The following KCNK3 variants were observed in gnomAD, a reference collection of about 807,000 sequenced individuals.
The protein encoded by KCNK3 is potassium channel subfamily K member 3.
A neutral mutation model predicts 27.3 loss-of-function variants in KCNK3; 9 were observed. The observed-to-expected ratio is 0.33, with a 90% CI of 0.20 to 0.57. The LOEUF is 0.57. Ranked by LOEUF, KCNK3 falls within the 20% of genes least tolerant of loss-of-function variation. The pLI is 0.87. For missense variants in KCNK3, 391 were observed against 577.7 expected, an observed-to-expected ratio of 0.68 and a Z score of 3.31; for synonymous variants, 278 against 273.8, an observed-to-expected ratio of 1.02 and a Z score of -0.15.
intron 1 of KCNK3, among the ~76,000 whole-genome samples, chr2:26,700,011 T>A (rs1670287544): frequency 1.3e-5 from 2 of 152,206 alleles, no homozygotes; most frequent in Admixed American, 1.3e-4. Context: ...GGCAGATGGG[T>A]ACCAGGGTCT....
In KCNK3 at chr2:26,728,320, C is replaced by G; in HGVS notation, c.937C>G (p.Leu313Val). 1 of 1,603,468 alleles carries G rather than the reference C, an allele frequency of 6.2e-7. No individual in the cohort carries two copies. The highest frequency in any genetic ancestry group is 8.5e-7 in the Non-Finnish European group (1 of 1,175,258). The change falls in exon 2 of 2, where the codon CTG becomes GTG. Residue 313 changes from leucine to valine, a missense_variant. Coordinates refer to ENST00000302909, the MANE Select transcript of KCNK3 (RefSeq NM_002246.3). ...VLHFQSMCSCLWYKSREKLQY... is the reference protein window; with the variant it reads ...VLHFQSMCSCVWYKSREKLQY... Reference sequence around the variant, plus strand: ...GCACTTCCAGTCCATGTGCTCGTGCCTGTGGTACAAGAGCCGCGAGAAGCT... The same window carrying G: ...GCACTTCCAGTCCATGTGCTCGTGCGTGTGGTACAAGAGCCGCGAGAAGCT...
rs967711628 is a variant in KCNK3, at chr2:26,706,808, G to T, written c.283+13650G>T. 2.0e-5 allele frequency among the ~76,000 whole-genome samples: 3 copies of T among 152,214 alleles called. No homozygotes were observed. In the East Asian group the frequency reaches 5.8e-4, roughly 29 times the overall value. ...TCTCGTCCTTTCTTGCAGCTGTGACGGGCCAAGGAAAGAGGGGATCCAGCC... is the reference window on the plus strand; with the variant it reads ...TCTCGTCCTTTCTTGCAGCTGTGACTGGCCAAGGAAAGAGGGGATCCAGCC... On this transcript the variant is annotated intron_variant, in intron 1 of 1. Transcript: ENST00000302909.
chr2:26,699,682 G>A (rs986920461), intron 1 of KCNK3, among the ~76,000 whole-genome samples: 6 of 152,164 alleles, frequency 3.9e-5, no homozygotes, highest in African/African-American at 1.4e-4. Context: ...GACCCAGGAC[G>A]GACACTCCCT....
At chr2:26,720,596 A>G (rs538691544) in intron 1 of KCNK3, among the ~76,000 whole-genome samples, 1 of 152,296 alleles carries the variant, frequency 6.6e-6, no homozygotes, top group African/African-American at 2.4e-5. Context: ...AGAGGCCCCA[A>G]GATCAGTACT....
At chr2:26,701,701 G>C (rs1572603117) in intron 1 of KCNK3, among the ~76,000 whole-genome samples, 1 of 152,180 alleles carries the variant, frequency 6.6e-6, no homozygotes, top group East Asian at 1.9e-4. Flanking sequence ...CAACACTTTG[G>C]AGGCCAAGGC....
intron 1 of KCNK3, 120 bp from the exon 2 acceptor site, chr2:26,727,547 A>G: frequency 7.5e-7 from 1 of 1,337,294 alleles, no homozygotes; most frequent in African/African-American, 1.5e-5. Flanking sequence ...AGCGCCCATC[A>G]CTGTGGACCC....
At chr2:26,718,155 G>A (rs961480212) in intron 1 of KCNK3, among the ~76,000 whole-genome samples, 1 of 151,652 alleles carries the variant, frequency 6.6e-6, no homozygotes, top group African/African-American at 2.4e-5. Context: ...CTTGACAACT[G>A]GACCATGCAG....
intron 1 of KCNK3, among the ~76,000 whole-genome samples, chr2:26,717,336 T>C (rs1417996912): frequency 1.9e-4 from 29 of 152,140 alleles, no homozygotes; most frequent in Admixed American, 1.9e-3. Context: ...TTCATTCCCT[T>C]TAGGAGATTG....
intron 1 of KCNK3, among the ~76,000 whole-genome samples, chr2:26,710,940 T>A (rs1663100276): frequency 6.6e-6 from 1 of 152,234 alleles, no homozygotes; most frequent in Non-Finnish European, 1.5e-5. Flanking sequence ...AAAGTAACAC[T>A]GGCACGTGGC....
At chr2:26,698,321 A>G (rs1266361023) in intron 1 of KCNK3, among the ~76,000 whole-genome samples, 1 of 152,210 alleles carries the variant, frequency 6.6e-6, no homozygotes, top group Non-Finnish European at 1.5e-5. Flanking sequence ...GCGGAGGAAC[A>G]TAGGCACTGA....
intron 1 of KCNK3, among the ~76,000 whole-genome samples, chr2:26,697,268 G>T (rs1370881216): frequency 6.6e-6 from 1 of 152,200 alleles, no homozygotes; most frequent in South Asian, 2.1e-4. Flanking sequence ...GGAGGCGGAG[G>T]CAGAAGTAGA....
chr2:26,710,212 C>T (rs992497946), intron 1 of KCNK3, among the ~76,000 whole-genome samples: 2 of 152,210 alleles, frequency 1.3e-5, no homozygotes, highest in African/African-American at 4.8e-5. Context: ...CCCTGTCCCC[C>T]GACTGCTCTT....
At chr2:26,711,465 C>T (rs979615159) in intron 1 of KCNK3, among the ~76,000 whole-genome samples, 2 of 152,164 alleles carry the variant, frequency 1.3e-5, no homozygotes, top group Non-Finnish European at 2.9e-5. Flanking sequence ...CTCCCTTTCC[C>T]ACCAGCCCTG....
intron 1 of KCNK3, among the ~76,000 whole-genome samples, chr2:26,723,646 T>C (rs952161761): frequency 6.6e-6 from 1 of 152,228 alleles, no homozygotes; most frequent in African/African-American, 2.4e-5. Context: ...TCACAAGCTG[T>C]GTGACCTTGA....
chr2:26,724,868 G>A (rs866591886), intron 1 of KCNK3, among the ~76,000 whole-genome samples: 86 of 152,272 alleles, frequency 5.6e-4, no homozygotes, highest in African/African-American at 1.8e-3. Flanking sequence ...GGAGGGCCAC[G>A]AGGCAGTGTG....
rs1183159499 is a variant in KCNK3, at chr2:26,727,574, G to A, written c.284-93G>A. On this transcript the variant is annotated intron_variant, in intron 1 of 1. Coordinates refer to ENST00000302909, the MANE Select transcript of KCNK3 (RefSeq NM_002246.3). ...TGTGGACCCAGACCCACAAGGTGGG[G>A]GAGGTGGCGGGGCAACGGGGAGGGA... The A allele has an allele frequency of 2.7e-6, 4 of 1,491,006 alleles. No individual in the cohort carries two copies. The African/African-American group carries it at 4.2e-5, about 16-fold the overall frequency. The allele number at this position is 1,491,006 out of a possible 1,614,324, so 92.4% of individuals were successfully genotyped here. A position where few individuals can be genotyped will look rare whatever the true frequency, so the allele number is the denominator to read the frequency against.
At chr2:26,701,920 A>G (rs1461013374) in intron 1 of KCNK3, among the ~76,000 whole-genome samples, 1 of 152,242 alleles carries the variant, frequency 6.6e-6, no homozygotes, top group East Asian at 1.9e-4. Context: ...AGCCTGGGCA[A>G]CAGAGACAGA....
At chr2:26,705,724 C>A (rs1288755104) in intron 1 of KCNK3, among the ~76,000 whole-genome samples, 1 of 152,156 alleles carries the variant, frequency 6.6e-6, no homozygotes, top group Non-Finnish European at 1.5e-5. Flanking sequence ...TGGTTCCCGG[C>A]CTTTGTCCAC....
chr2:26,723,717 C>T (rs1353301933), intron 1 of KCNK3, among the ~76,000 whole-genome samples: 1 of 152,200 alleles, frequency 6.6e-6, no homozygotes, highest in Non-Finnish European at 1.5e-5. Context: ...AAGACTGAAC[C>T]AAATGATGGC....
Sources: gnomAD v4.1 joint callset for allele counts (sites outside exome capture counted in the v4.1 genomes callset) on GRCh38, gnomAD v4.1.1 for gene constraint, MANE v1.5 for transcripts, NCBI Gene and HGNC (gene_info 2026-07-23, HGNC 2026-07-21) for gene names.